NKAIN3: variants seen among roughly 807,000 people sequenced by gnomAD.
NKAIN3 encodes sodium/potassium transporting ATPase interacting 3.
A neutral mutation model predicts 30.2 loss-of-function variants in NKAIN3; 25 were observed. That is an observed-to-expected ratio of 0.83 (90% CI 0.60 to 1.16). The LOEUF is 1.16. Among genes scored for constraint, NKAIN3 ranks in the 50% most tolerant of loss-of-function variants. The probability of loss-of-function intolerance (pLI) is 0.00; values close to 1 mark genes in which losing one functional copy is unlikely to be tolerated. For synonymous variants in NKAIN3, 91 were observed against 89.6 expected, an observed-to-expected ratio of 1.02 and a Z score of -0.09; for missense variants, 225 against 254.1, an observed-to-expected ratio of 0.89 and a Z score of 0.78.
At chr8:62,441,255 G>A (rs1805316066) in intron 1 of NKAIN3, among the ~76,000 whole-genome samples, 1 of 151,924 alleles carries the variant, frequency 6.6e-6, no homozygotes, top group Admixed American at 6.6e-5. Flanking sequence ...GTGGGATTTT[G>A]TTTTATTTTA....
At chr8:62,593,622 A>G (rs1585987483) in intron 3 of NKAIN3, among the ~76,000 whole-genome samples, 1 of 151,982 alleles carries the variant, frequency 6.6e-6, no homozygotes, top group East Asian at 2.0e-4. Context: ...AACAGAAATT[A>G]AAAGATTAAT....
intron 4 of NKAIN3, among the ~76,000 whole-genome samples, chr8:62,869,886 G>A (rs1820541200): frequency 6.6e-6 from 1 of 151,888 alleles, no homozygotes; most frequent in African/African-American, 2.4e-5. Context: ...TCCTGCCTCA[G>A]CCCCCCCGAA....
At chr8:62,752,222 TGCAGGGCATA>T (rs1042225001) in intron 4 of NKAIN3, among the ~76,000 whole-genome samples, 2 of 152,192 alleles carry the variant, frequency 1.3e-5, no homozygotes, top group African/African-American at 4.8e-5. Context: ...AAATGTTCTG[TGCAGGGCATA>T]GCACAGAAGC....
At chr8:62,448,814 A>G (rs1333947243) in intron 1 of NKAIN3, among the ~76,000 whole-genome samples, 1 of 151,962 alleles carries the variant, frequency 6.6e-6, no homozygotes, top group African/African-American at 2.4e-5. Context: ...ATGATGTTGT[A>G]TGGATTTTTT....
At chr8:62,724,929 T>A (rs1178816948) in intron 3 of NKAIN3, among the ~76,000 whole-genome samples, 1 of 152,164 alleles carries the variant, frequency 6.6e-6, no homozygotes, top group Non-Finnish European at 1.5e-5. Flanking sequence ...GATAGCTTTT[T>A]TTTTTCAGTT....
chr8:62,298,260 C>T (rs1813909988), intron 1 of NKAIN3, among the ~76,000 whole-genome samples: 2 of 152,098 alleles, frequency 1.3e-5, no homozygotes, highest in Non-Finnish European at 1.5e-5. Flanking sequence ...CAGCATCGCA[C>T]ATGTATACAT....
chr8:62,943,723 A>T (rs1823038874), intron 5 of NKAIN3, among the ~76,000 whole-genome samples: 1 of 148,480 alleles, frequency 6.7e-6, no homozygotes, highest in African/African-American at 2.4e-5. Context: ...AAAATTTTTT[A>T]AAATGTATAT....
intron 1 of NKAIN3, among the ~76,000 whole-genome samples, chr8:62,563,441 C>A (rs1305423483): frequency 1.3e-5 from 2 of 152,058 alleles, no homozygotes; most frequent in African/African-American, 4.8e-5. Flanking sequence ...AGTATTCACT[C>A]CCTAAATTTT....
At chr8:62,252,976 C>T (rs1258442548) in intron 1 of NKAIN3, among the ~76,000 whole-genome samples, 1 of 152,162 alleles carries the variant, frequency 6.6e-6, no homozygotes, top group Non-Finnish European at 1.5e-5. Flanking sequence ...AAGCACTGAA[C>T]TAATTTTGGC....
At position 62,821,900 on chromosome 8, in the gene NKAIN3, G is replaced by A. The variant is rs115847457; in HGVS notation, c.471+74771G>A. Among the ~76,000 whole-genome samples the A allele has an allele frequency of 2.8e-3, 431 of 151,622 alleles. 4 individuals carry two copies. The highest frequency in any genetic ancestry group is 9.9e-3 in the African/African-American group (409 of 41,258). On this transcript the variant is annotated intron_variant, in intron 4 of 6. Transcript: ENST00000623646. Reference sequence around the variant, plus strand: ...TTTATTTGCCAAATAAAAATTCGGCGAATTTTTATTTGCCAACAGAGACCC... The same window carrying A: ...TTTATTTGCCAAATAAAAATTCGGCAAATTTTTATTTGCCAACAGAGACCC...
chr8:62,712,027 A>C (rs544832269), intron 3 of NKAIN3, among the ~76,000 whole-genome samples: 3 of 152,190 alleles, frequency 2.0e-5, no homozygotes, highest in Non-Finnish European at 4.4e-5. Flanking sequence ...CTAGCTACCC[A>C]GTAAGTCTAC....
chr8:62,593,342 T>C, intron 3 of NKAIN3, among the ~76,000 whole-genome samples: 1 of 151,448 alleles, frequency 6.6e-6, no homozygotes, highest in East Asian at 1.9e-4. Flanking sequence ...TTAAAGTACA[T>C]AATTAAAAAA....
chr8:62,276,128 C>T (rs576408280), intron 1 of NKAIN3, among the ~76,000 whole-genome samples: 2 of 152,112 alleles, frequency 1.3e-5, no homozygotes, highest in Admixed American at 6.5e-5. Context: ...TGCAGTGGTG[C>T]GATCTCAGCT....
chr8:62,962,376 AATGAG>A (rs779957568), intron 6 of NKAIN3, among the ~76,000 whole-genome samples: 1 of 152,226 alleles, frequency 6.6e-6, no homozygotes, highest in Non-Finnish European at 1.5e-5. Flanking sequence ...AACCAATTGT[AATGAG>A]ATATTTCCAG....
At chr8:62,464,807 G>A (rs921918477) in intron 1 of NKAIN3, among the ~76,000 whole-genome samples, 2 of 152,162 alleles carry the variant, frequency 1.3e-5, no homozygotes. Flanking sequence ...AGGCCTAAAT[G>A]TATCATTCAA....
At chr8:62,800,179 G>A (rs564698739) in intron 4 of NKAIN3, among the ~76,000 whole-genome samples, 5 of 151,962 alleles carry the variant, frequency 3.3e-5, no homozygotes, top group South Asian at 2.1e-4. Context: ...AACACTACCC[G>A]TTCCCCAAAA....
intron 3 of NKAIN3, among the ~76,000 whole-genome samples, chr8:62,624,037 G>T (rs1430215874): frequency 2.0e-5 from 3 of 152,198 alleles, no homozygotes; most frequent in African/African-American, 7.2e-5. Flanking sequence ...ACTTACTGAT[G>T]TTGCCATGGC....
chr8:62,517,047 T>C (rs1193859406), intron 1 of NKAIN3, among the ~76,000 whole-genome samples: 1 of 134,614 alleles, frequency 7.4e-6, no homozygotes, highest in Non-Finnish European at 1.5e-5. Flanking sequence ...TGACGCCTCA[T>C]TAAGTTTTAC....
At chr8:62,775,383 G>T (rs1019522955) in intron 4 of NKAIN3, among the ~76,000 whole-genome samples, 1 of 151,456 alleles carries the variant, frequency 6.6e-6, no homozygotes, top group African/African-American at 2.4e-5. Context: ...AGTCTATATT[G>T]TTTTATTCAT....
Sources: gnomAD v4.1 joint callset for allele counts (sites outside exome capture counted in the v4.1 genomes callset) on GRCh38, gnomAD v4.1.1 for gene constraint, MANE v1.5 for transcripts, NCBI Gene and HGNC (gene_info 2026-07-23, HGNC 2026-07-21) for gene names.